Variants in STAC observed in about 807,000 individuals in gnomAD.
The protein encoded by STAC is SH3 and cysteine rich domain.
Under a neutral mutation model 48.8 loss-of-function variants are expected in STAC, and 43 were observed. The ratio of observed to expected loss-of-function variants is 0.88; its 90% CI spans 0.69 to 1.14. The LOEUF is 1.14. Ranked by LOEUF, STAC falls within the 50% of genes most tolerant of loss-of-function variation. The pLI is 0.00. For synonymous variants in STAC, 193 were observed against 179.5 expected (o/e 1.07, Z -0.60); for missense variants, 497 against 504.0 (o/e 0.99, Z 0.13).
rs1294947970 is a variant in STAC at position 36,380,831 on chromosome 3, A to C, written c.111+77A>C. On this transcript the variant is annotated intron_variant, in intron 1 of 10. Coordinates refer to ENST00000273183, the MANE Select transcript of STAC (RefSeq NM_003149.3). The stretch of plus-strand genomic sequence containing the variant: ...TCGGTCCAGCTTTGTCTCTCCTCCT[A>C]TCTAGCACGGGCGTGGGGGTCTGAG... 2.8e-5 allele frequency: 33 copies of C among 1,163,084 alleles called. 1 individual carries two copies. The Middle Eastern group carries it at 5.9e-4, about 21-fold the overall frequency. 72.0% of individuals were successfully genotyped at this position (1,163,084 alleles called of 1,614,324 possible). A position where few individuals can be genotyped will look rare whatever the true frequency, so the allele number is the denominator to read the frequency against.
rs1457077431 is a variant in STAC, at chr3:36,486,134, C to G, written c.572C>G (p.Ala191Gly). The change falls in exon 5 of 11, where the codon GCC becomes GGC. Residue 191 changes from alanine (A) to glycine (G), a missense_variant and splice_region_variant. Physicochemically the swap from Ala to Gly is moderately conservative, Grantham distance 60 (BLOSUM62 0). Transcript: ENST00000273183. ...FGCIKEVMPI[A>G]CGNKVDPVYE... ...AGATGAACTTTCTCTTCTGTTGCAG[C>G]CTGTGGCAATAAGGTGGACCCTGTC... 1.2e-6 allele frequency: 2 copies of G among 1,611,620 alleles called. No homozygotes were observed. The highest frequency in any genetic ancestry group is 8.5e-7 in the Non-Finnish European group (1 of 1,178,606).
intron 2 of STAC, among the ~76,000 whole-genome samples, chr3:36,467,987 T>G (rs1234632801): frequency 6.6e-6 from 1 of 152,142 alleles, no homozygotes; most frequent in Non-Finnish European, 1.5e-5. Flanking sequence ...ATTTAAATGC[T>G]ATGAACTTTC....
intron 10 of STAC, among the ~76,000 whole-genome samples, chr3:36,538,196 A>G (rs891753118): frequency 6.6e-6 from 1 of 152,164 alleles, no homozygotes; most frequent in African/African-American, 2.4e-5. Context: ...ATGTTTATCA[A>G]AACACAGGTT....
In STAC at chr3:36,505,781, C is replaced by G; in HGVS notation, c.867C>G (p.Thr289=). The G allele has an allele frequency of 6.2e-7, 1 of 1,607,674 alleles. No individual in the cohort carries two copies. The highest frequency in any genetic ancestry group is 8.5e-7 in the Non-Finnish European group (1 of 1,177,878). The change falls in exon 8 of 11, where the codon ACC becomes ACG. Residue 289 remains threonine (T), a synonymous_variant. Coordinates refer to ENST00000273183, the MANE Select transcript of STAC (RefSeq NM_003149.3). Reference sequence around the variant, plus strand: ...CCAAAGACCCATTACAGATGAACACCTATGTTGCCTTGTACAAATTTGTAC... The same window carrying G: ...CCAAAGACCCATTACAGATGAACACGTATGTTGCCTTGTACAAATTTGTAC... ...SLSKDPLQMN[T]YVALYKFVPQ... is the part of the protein sequence containing the mutation.
chr3:36,395,738 G>A (rs183650856), intron 1 of STAC, among the ~76,000 whole-genome samples: 2 of 152,256 alleles, frequency 1.3e-5, no homozygotes, highest in East Asian at 1.9e-4. Context: ...CACTGCTTAT[G>A]GAAGCTCTTC....
At chr3:36,486,092 C>T (rs1281169528) in intron 4 of STAC, 42 bp from the exon 5 acceptor site, 2 of 1,536,752 alleles carry the variant, frequency 1.3e-6, no homozygotes, top group South Asian at 1.2e-5. Flanking sequence ...GCTGGGTCCT[C>T]TCAGATGAGC....
chr3:36,517,882 C>T (rs1227451813), intron 8 of STAC, among the ~76,000 whole-genome samples: 4 of 152,088 alleles, frequency 2.6e-5, no homozygotes, highest in Admixed American at 6.5e-5. Flanking sequence ...CACATACATG[C>T]ACATACACAC....
In STAC at chr3:36,538,540, G is replaced by C. The variant is rs1459596984; in HGVS notation, c.1111-7651G>C. On this transcript the variant is annotated intron_variant, in intron 10 of 10. Coordinates refer to ENST00000273183, the MANE Select transcript of STAC (RefSeq NM_003149.3). ...TTAGGATGTACTTTGGAATTTAGCGGAAAACAGATCAAGACGTGTACAATT... is the reference window on the plus strand; with the variant it reads ...TTAGGATGTACTTTGGAATTTAGCGCAAAACAGATCAAGACGTGTACAATT... 2.0e-5 allele frequency among the ~76,000 whole-genome samples: 3 copies of C among 152,254 alleles called. No homozygotes were observed. The East Asian group carries it at 5.8e-4, about 29-fold the overall frequency.
intron 2 of STAC, among the ~76,000 whole-genome samples, chr3:36,477,891 T>A (rs1329715732): frequency 6.6e-6 from 1 of 152,230 alleles, no homozygotes. Context: ...TTCCAAGGGA[T>A]GACTTGACCC....
intron 1 of STAC, among the ~76,000 whole-genome samples, chr3:36,433,541 G>A (rs969818601): frequency 1.3e-5 from 2 of 152,320 alleles, no homozygotes; most frequent in Admixed American, 1.3e-4. Flanking sequence ...AGTAGGCAGT[G>A]ATTAAAACAC....
intron 1 of STAC, among the ~76,000 whole-genome samples, chr3:36,438,915 G>A (rs1696234013): frequency 6.6e-6 from 1 of 152,106 alleles, no homozygotes; most frequent in Non-Finnish European, 1.5e-5. Context: ...TGATAAACAG[G>A]GCATGCATGC....
At chr3:36,505,518 G>T (rs917840363) in intron 7 of STAC, among the ~76,000 whole-genome samples, 1 of 152,082 alleles carries the variant, frequency 6.6e-6, no homozygotes, top group African/African-American at 2.4e-5. Context: ...TTCTGACAAA[G>T]AGTTCCAAAT....
At chr3:36,531,474 C>T (rs987909112) in intron 10 of STAC, among the ~76,000 whole-genome samples, 2 of 152,140 alleles carry the variant, frequency 1.3e-5, no homozygotes, top group African/African-American at 4.8e-5. Context: ...ACTGTTCTCC[C>T]AAGATAAACA....
At chr3:36,392,230 G>A (rs1699764458) in intron 1 of STAC, among the ~76,000 whole-genome samples, 2 of 152,048 alleles carry the variant, frequency 1.3e-5, no homozygotes, top group African/African-American at 4.8e-5. Context: ...CTCCCTACAG[G>A]TCGATACCCT....
intron 10 of STAC, among the ~76,000 whole-genome samples, chr3:36,545,208 A>G (rs1699417633): frequency 6.6e-6 from 1 of 152,214 alleles, no homozygotes; most frequent in African/African-American, 2.4e-5. Context: ...AGGCCAGCCA[A>G]TGGCCAATGA....
At chr3:36,492,031 A>ATATATAT (rs1553639881) in intron 5 of STAC, among the ~76,000 whole-genome samples, 3 of 16,442 alleles carry the variant, frequency 1.8e-4, no homozygotes, top group African/African-American at 3.8e-4. Context: ...AAAAAAAAAA[A>ATATATAT]ATATATATAT....
chr3:36,493,372 G>C, intron 6 of STAC, 143 bp downstream of exon 6: 1 of 690,320 alleles, frequency 1.4e-6, no homozygotes, highest in Non-Finnish European at 2.4e-6. Flanking sequence ...TGGAGAGAAT[G>C]TGAGCATTGT....
In STAC at chr3:36,448,926, T is replaced by C. The variant is rs377538523; in HGVS notation, c.388+5286T>C. Among the ~76,000 whole-genome samples, 576 of 142,288 alleles carry C rather than the reference T, an allele frequency of 4.0e-3. 9 individuals are homozygous for C. Among genetic ancestry groups the C allele is most frequent in the African/African-American group, 0.014 (542 of 38,842 alleles). The allele number at this position is 142,288 out of a possible 152,430, so 93.3% of individuals were successfully genotyped here. A position where few individuals can be genotyped will look rare whatever the true frequency, so the allele number is the denominator to read the frequency against. ...ACCCCCCCCCCCACTCCCGACCCAG[T>C]CTCTAAAAAAAAAATAAAATGAGTA... On this transcript the variant is annotated intron_variant, in intron 2 of 10. Transcript: ENST00000273183.
intron 1 of STAC, among the ~76,000 whole-genome samples, chr3:36,406,409 C>A (rs995038235): frequency 6.6e-6 from 1 of 152,188 alleles, no homozygotes; most frequent in Non-Finnish European, 1.5e-5. Context: ...GGCAAAAGAG[C>A]ATGGGGCCTA....
Sources: gnomAD v4.1 joint callset for allele counts (sites outside exome capture counted in the v4.1 genomes callset) on GRCh38, gnomAD v4.1.1 for gene constraint, MANE v1.5 for transcripts, NCBI Gene and HGNC (gene_info 2026-07-23, HGNC 2026-07-21) for gene names.